GPC6: variants seen among roughly 807,000 people sequenced by gnomAD.
GPC6 encodes glypican 6.
A neutral mutation model predicts 55.2 loss-of-function variants in GPC6; 14 were observed. The observed-to-expected ratio is 0.25, with a 90% CI of 0.17 to 0.40. The LOEUF (loss-of-function observed/expected upper bound fraction) is 0.40, where lower values mean the gene tolerates loss of function less well. Among genes scored for constraint, GPC6 ranks in the 10% least tolerant of loss-of-function variants. The pLI is 1.00. For synonymous variants in GPC6, 278 were observed against 259.6 expected, an observed-to-expected ratio of 1.07 and a Z score of -0.68; for missense variants, 641 against 708.5, an observed-to-expected ratio of 0.90 and a Z score of 1.08.
In GPC6 at chr13:93,872,443, G is replaced by T. The variant is rs371588895; in HGVS notation, c.711+41898G>T. On this transcript the variant is annotated intron_variant, in intron 3 of 8. Transcript: ENST00000377047. ...TGCAAATATGGCTTAAAACAACACA[G>T]ATTTATCCTATTACAGTTGTGGAAG... Among the ~76,000 whole-genome samples, 124 of 152,050 alleles carry T rather than the reference G, an allele frequency of 8.2e-4. 1 individual carries two copies. Among genetic ancestry groups the T allele is most frequent in the African/African-American group, 2.9e-3 (121 of 41,534 alleles).
In GPC6 at chr13:93,912,622, A is replaced by G. The variant is rs906539528; in HGVS notation, c.711+82077A>G. On this transcript the variant is annotated intron_variant, in intron 3 of 8. Coordinates refer to ENST00000377047, the MANE Select transcript of GPC6 (RefSeq NM_005708.5). Reference sequence around the variant, plus strand: ...GCCTGGTGTGGTGGCGGGCGCCTGTAGTCCCAGCTACTCGGGAGGCTGAGG... The same window carrying G: ...GCCTGGTGTGGTGGCGGGCGCCTGTGGTCCCAGCTACTCGGGAGGCTGAGG... 7.9e-5 allele frequency among the ~76,000 whole-genome samples: 12 copies of G among 152,178 alleles called. No individual in the cohort carries two copies. In the South Asian group the frequency reaches 8.3e-4, roughly 11 times the overall value.
At chr13:93,363,843 G>A (rs1165137872) in intron 1 of GPC6, among the ~76,000 whole-genome samples, 4 of 151,910 alleles carry the variant, frequency 2.6e-5, no homozygotes, top group African/African-American at 9.7e-5. Context: ...GGTGTGAGAT[G>A]GTATCTCATT....
intron 6 of GPC6, among the ~76,000 whole-genome samples, chr13:94,357,241 C>T (rs1260975672): frequency 6.6e-6 from 1 of 152,202 alleles, no homozygotes; most frequent in Non-Finnish European, 1.5e-5. Context: ...TTCAGTTGCA[C>T]CAAACTAACT....
chr13:93,987,986 G>C (rs192678942), intron 3 of GPC6, among the ~76,000 whole-genome samples: 1 of 151,950 alleles, frequency 6.6e-6, no homozygotes, highest in African/African-American at 2.4e-5. Context: ...ACTGCAGAGG[G>C]GTCTTTCTGA....
intron 1 of GPC6, among the ~76,000 whole-genome samples, chr13:93,305,902 T>G (rs1329459219): frequency 6.6e-6 from 1 of 152,226 alleles, no homozygotes; most frequent in Non-Finnish European, 1.5e-5. Flanking sequence ...GCCTCCCATA[T>G]GCACTGAACT....
At chr13:94,070,973 C>T (rs964334561) in intron 4 of GPC6, among the ~76,000 whole-genome samples, 2 of 152,176 alleles carry the variant, frequency 1.3e-5, no homozygotes, top group African/African-American at 2.4e-5. Flanking sequence ...ATTGTGGCTT[C>T]CCAGAGTGCT....
intron 1 of GPC6, among the ~76,000 whole-genome samples, chr13:93,324,656 A>C (rs115890973): frequency 0.013 from 1,951 of 149,878 alleles, 45 homozygotes; most frequent in African/African-American, 0.044. Context: ...ACTACTATGT[A>C]CCCACTAAAA....
chr13:93,403,797 C>T (rs1052919377), intron 1 of GPC6, among the ~76,000 whole-genome samples: 23 of 152,130 alleles, frequency 1.5e-4, no homozygotes, highest in African/African-American at 5.1e-4. Flanking sequence ...TCTCTCTCTC[C>T]AGAGTTTGTC....
At chr13:94,268,216 T>A (rs868459942) in intron 4 of GPC6, among the ~76,000 whole-genome samples, 12 of 152,314 alleles carry the variant, frequency 7.9e-5, no homozygotes, top group Middle Eastern at 3.4e-3. Flanking sequence ...TTCATAGACT[T>A]TAGAATAAAT....
intron 3 of GPC6, among the ~76,000 whole-genome samples, chr13:93,853,718 T>C (rs1207016281): frequency 2.0e-5 from 3 of 151,660 alleles, no homozygotes; most frequent in Admixed American, 2.0e-4. Context: ...CAAACTGCCT[T>C]CCCCAGATAA....
chr13:94,363,862 T>C (rs375354018), intron 6 of GPC6, among the ~76,000 whole-genome samples: 1 of 152,170 alleles, frequency 6.6e-6, no homozygotes, highest in East Asian at 1.9e-4. Context: ...TGAACTGAGA[T>C]GGACTGTAAG....
intron 2 of GPC6, among the ~76,000 whole-genome samples, chr13:93,656,467 T>C (rs977044244): frequency 3.9e-5 from 6 of 152,116 alleles, no homozygotes; most frequent in Non-Finnish European, 8.8e-5. Flanking sequence ...CATCAGAATG[T>C]CCCACAGAAA....
chr13:94,199,164 G>A (rs1035247477), intron 4 of GPC6, among the ~76,000 whole-genome samples: 2 of 152,230 alleles, frequency 1.3e-5, no homozygotes, highest in Admixed American at 6.5e-5. Context: ...TCCCGTGTTT[G>A]TGAAGAACTT....
At chr13:93,437,359 G>C (rs780084981) in intron 1 of GPC6, among the ~76,000 whole-genome samples, 63 of 152,284 alleles carry the variant, frequency 4.1e-4, no homozygotes, top group Middle Eastern at 3.4e-3. Context: ...CACGTTGAAA[G>C]CCAAGGCAGG....
chr13:93,332,096 T>C (rs1879868826), intron 1 of GPC6, among the ~76,000 whole-genome samples: 1 of 152,014 alleles, frequency 6.6e-6, no homozygotes, highest in South Asian at 2.1e-4. Flanking sequence ...TTTTCTTTAT[T>C]CATTTATTCG....
chr13:93,661,057 C>G (rs1287305867), intron 2 of GPC6, among the ~76,000 whole-genome samples: 3 of 152,138 alleles, frequency 2.0e-5, no homozygotes, highest in African/African-American at 7.2e-5. Context: ...TACTGCACTT[C>G]TTGGAGACTT....
chr13:93,309,273 GTC>G (rs1018059940), intron 1 of GPC6, among the ~76,000 whole-genome samples: 1 of 149,672 alleles, frequency 6.7e-6, no homozygotes, highest in African/African-American at 2.4e-5. Flanking sequence ...TGGTAGGTAA[GTC>G]TTTATTTTTG....
At chr13:94,084,555 T>C (rs1180308976) in intron 4 of GPC6, among the ~76,000 whole-genome samples, 1 of 151,674 alleles carries the variant, frequency 6.6e-6, no homozygotes, top group African/African-American at 2.4e-5. Flanking sequence ...GTCAGTTAAA[T>C]GCTCCATATT....
intron 6 of GPC6, among the ~76,000 whole-genome samples, chr13:94,328,918 TG>T (rs1227596111): frequency 6.6e-6 from 1 of 152,164 alleles, no homozygotes; most frequent in Non-Finnish European, 1.5e-5. Context: ...GCAGTCCCTT[TG>T]AGCGACAGGA....
Sources: allele counts gnomAD v4.1 joint callset (sites outside exome capture counted in the v4.1 genomes callset), GRCh38; gene constraint gnomAD v4.1.1; transcripts MANE v1.5; gene names NCBI Gene and HGNC (gene_info 2026-07-23, HGNC 2026-07-21).